Variants in NELL1 observed in about 807,000 individuals in gnomAD.
NELL1 encodes protein kinase C-binding protein NELL1.
NELL1 carries 76 observed loss-of-function variants against 107.4 expected under a neutral mutation model. The ratio of observed to expected loss-of-function variants is 0.71; its 90% CI spans 0.59 to 0.86. NELL1 has a LOEUF of 0.86. Among genes scored for constraint, NELL1 ranks in the 40% least tolerant of loss-of-function variants. The pLI is 0.00. For synonymous variants in NELL1, 353 were observed against 341.2 expected (o/e 1.03, Z -0.38); for missense variants, 1,024 against 1,005.5 (o/e 1.02, Z -0.25).
At chr11:21,398,565 C>CA (rs1852030272) in intron 15 of NELL1, among the ~76,000 whole-genome samples, 1 of 151,296 alleles carries the variant, frequency 6.6e-6, no homozygotes, top group African/African-American at 2.4e-5. Flanking sequence ...TCTTCCCAGG[C>CA]AAAAAAGCAA....
At chr11:21,456,914 A>G (rs1232748400) in intron 15 of NELL1, among the ~76,000 whole-genome samples, 1 of 152,020 alleles carries the variant, frequency 6.6e-6, no homozygotes, top group Non-Finnish European at 1.5e-5. Context: ...TAAGATACAA[A>G]CACTTTTAAT....
chr11:21,258,658 T>G (rs1179188440), intron 14 of NELL1, among the ~76,000 whole-genome samples: 1 of 151,922 alleles, frequency 6.6e-6, no homozygotes, highest in Non-Finnish European at 1.5e-5. Flanking sequence ...TTATTCAGTC[T>G]ACTGATTCAA....
rs1168981953 is a variant in NELL1, at chr11:20,881,479, GACGAGTTATTTGACCTTGCTAAGCCAAGA to G, written c.507-3962_507-3934del. ...GTCACTCACAAGCTGCTTAACCAAG[GACGAGTTATTTGACCTTGCTAAGCCAAGA>G]ACACCCACCTGAGGGTGTTGTTATG... On this transcript the variant is annotated intron_variant, in intron 4 of 19. Coordinates refer to ENST00000357134, the MANE Select transcript of NELL1 (RefSeq NM_006157.5). Among the ~76,000 whole-genome samples the G allele has an allele frequency of 2.0e-5, 3 of 152,152 alleles. No homozygotes were observed. The East Asian group carries it at 5.8e-4, about 29-fold the overall frequency.
intron 2 of NELL1, among the ~76,000 whole-genome samples, chr11:20,708,880 G>C (rs1453895465): frequency 3.3e-5 from 5 of 152,124 alleles, no homozygotes; most frequent in South Asian, 2.1e-4. Flanking sequence ...GGACTGTGGT[G>C]GGGGCAGGCG....
chr11:21,242,361 A>G (rs1193164487), intron 14 of NELL1, among the ~76,000 whole-genome samples: 1 of 152,072 alleles, frequency 6.6e-6, no homozygotes, highest in Non-Finnish European at 1.5e-5. Flanking sequence ...GTCAAACACG[A>G]GAGGTTTTTA....
rs34390165 is a variant in NELL1 at position 20,977,990 on chromosome 11, G to A, written c.1300+17430G>A. Among the ~76,000 whole-genome samples the A allele has an allele frequency of 8.3e-3, 1,257 of 152,288 alleles. 11 individuals are homozygous for A. The highest frequency in any genetic ancestry group is 0.012 in the Non-Finnish European group (849 of 68,026). On this transcript the variant is annotated intron_variant, in intron 12 of 19. Coordinates refer to ENST00000357134, the MANE Select transcript of NELL1 (RefSeq NM_006157.5). ...GTCATCTAGCTAGTTAAGTAGTGGA[G>A]TTAGAGCTCTGATTCTGCAATGCTA...
At chr11:21,266,491 T>G (rs890639579) in intron 14 of NELL1, among the ~76,000 whole-genome samples, 5 of 152,110 alleles carry the variant, frequency 3.3e-5, no homozygotes, top group Non-Finnish European at 5.9e-5. Flanking sequence ...AATGACTCCA[T>G]CATTGCCATT....
intron 12 of NELL1, among the ~76,000 whole-genome samples, chr11:21,009,206 G>A (rs751309813): frequency 6.6e-6 from 1 of 152,116 alleles, no homozygotes; most frequent in African/African-American, 2.4e-5. Flanking sequence ...TCACCTGATT[G>A]AGCATTCTCC....
At chr11:21,465,129 T>A (rs911239360) in intron 15 of NELL1, among the ~76,000 whole-genome samples, 1 of 152,062 alleles carries the variant, frequency 6.6e-6, no homozygotes, top group Non-Finnish European at 1.5e-5. Context: ...TCTGATGGTA[T>A]TCAAATATCC....
chr11:20,890,394 C>T (rs546112473), intron 5 of NELL1, among the ~76,000 whole-genome samples: 60 of 152,168 alleles, frequency 3.9e-4, no homozygotes, highest in African/African-American at 1.3e-3. Context: ...GACAAACTCA[C>T]GAAGATGAGA....
At chr11:21,570,227 C>T (rs1001095462) in intron 17 of NELL1, among the ~76,000 whole-genome samples, 22 of 151,792 alleles carry the variant, frequency 1.4e-4, no homozygotes, top group Admixed American at 1.4e-3. Context: ...GAGACCATAA[C>T]AATTGGTGGT....
At chr11:21,001,815 A>C (rs1418271254) in intron 12 of NELL1, among the ~76,000 whole-genome samples, 1 of 151,364 alleles carries the variant, frequency 6.6e-6, no homozygotes, top group Admixed American at 6.6e-5. Flanking sequence ...GCTCTGGAGA[A>C]ATTGCACATT....
At chr11:21,029,159 G>A (rs1022131629) in intron 12 of NELL1, among the ~76,000 whole-genome samples, 15 of 152,016 alleles carry the variant, frequency 9.9e-5, no homozygotes, top group Non-Finnish European at 1.9e-4. Context: ...TACTTTAATC[G>A]TATTCATTAA....
At position 21,163,132 on chromosome 11, in the gene NELL1, A is replaced by G. The variant is rs145508930; in HGVS notation, c.1426+49418A>G. On this transcript the variant is annotated intron_variant, in intron 13 of 19. Coordinates refer to ENST00000357134, the MANE Select transcript of NELL1 (RefSeq NM_006157.5). ...TGGAAACACTGGTCATTCAAACACA[A>G]GTTCACATGGGGAATGTTAGGGTAA... Among the ~76,000 whole-genome samples, 162 of 152,276 alleles carry G rather than the reference A, an allele frequency of 1.1e-3. 1 individual carries two copies. In the East Asian group the frequency reaches 0.019, roughly 18 times the overall value.
chr11:21,168,773 C>A (rs986312065), intron 13 of NELL1, among the ~76,000 whole-genome samples: 3 of 151,834 alleles, frequency 2.0e-5, no homozygotes, highest in Non-Finnish European at 2.9e-5. Context: ...AGCTGCATGG[C>A]CATCAACTTG....
At chr11:21,332,556 G>A (rs1850296023) in intron 14 of NELL1, among the ~76,000 whole-genome samples, 3 of 151,924 alleles carry the variant, frequency 2.0e-5, no homozygotes, top group Admixed American at 2.0e-4. Flanking sequence ...ATACAATTAT[G>A]ATTGCTTATG....
chr11:21,559,097 T>C (rs1178673102), intron 16 of NELL1, among the ~76,000 whole-genome samples: 1 of 152,112 alleles, frequency 6.6e-6, no homozygotes, highest in Non-Finnish European at 1.5e-5. Context: ...AGCCAAAAAT[T>C]AGATCTTGGA....
At chr11:20,823,799 G>A (rs1014459249) in intron 3 of NELL1, among the ~76,000 whole-genome samples, 1 of 151,128 alleles carries the variant, frequency 6.6e-6, no homozygotes, top group Non-Finnish European at 1.5e-5. Flanking sequence ...AGTGGTGGAA[G>A]GCGAGCCAAG....
intron 3 of NELL1, among the ~76,000 whole-genome samples, chr11:20,822,155 T>C (rs1857770080): frequency 6.6e-6 from 1 of 152,102 alleles, no homozygotes; most frequent in African/African-American, 2.4e-5. Context: ...AGGGGGCATA[T>C]ACGAGAATGA....
Sources: gnomAD v4.1 joint callset for allele counts (sites outside exome capture counted in the v4.1 genomes callset) on GRCh38, gnomAD v4.1.1 for gene constraint, MANE v1.5 for transcripts, NCBI Gene and HGNC (gene_info 2026-07-23, HGNC 2026-07-21) for gene names.